Variants in DERA observed in about 807,000 individuals in gnomAD.
DERA encodes 2-deoxy-D-ribose 5-phosphate aldolase.
DERA carries 15 observed loss-of-function variants against 41.1 expected under a neutral mutation model. The ratio of observed to expected loss-of-function variants is 0.37; its 90% confidence interval spans 0.24 to 0.56. DERA has a LOEUF of 0.56. Among genes scored for constraint, DERA ranks in the 20% least tolerant of loss-of-function variants. The pLI is 0.81. For synonymous variants in DERA, 139 were observed against 137.4 expected (o/e 1.01, Z -0.08); for missense variants, 396 against 403.4 (o/e 0.98, Z 0.16).
intron 1 of DERA, among the ~76,000 whole-genome samples, chr12:15,955,404 C>T (rs546707221): frequency 1.3e-5 from 2 of 152,160 alleles, no homozygotes; most frequent in South Asian, 2.1e-4. Context: ...TTCTCGGGCT[C>T]TGCTAGAACA....
chr12:16,025,542 CA>C (rs1454062833), intron 6 of DERA, among the ~76,000 whole-genome samples: 1 of 151,866 alleles, frequency 6.6e-6, no homozygotes, highest in Non-Finnish European at 1.5e-5. Flanking sequence ...CACAGAGCAT[CA>C]AAATATGAGG....
At position 16,029,258 on chromosome 12, in the gene DERA, TA is replaced by T. The variant is rs762788246; in HGVS notation, c.638-3278del. On this transcript the variant is annotated intron_variant, in intron 6 of 8. Transcript: ENST00000428559. ...GACCACGGTGAAACCCGGTCTCTAC[TA>T]AAAAATACAAAAAGTTAGCCGGGCG... Among the ~76,000 whole-genome samples, 9 of 152,096 alleles carry T rather than the reference TA, an allele frequency of 5.9e-5. No homozygotes were observed. In the East Asian group the frequency reaches 1.8e-3, roughly 30 times the overall value.
In DERA at chr12:15,972,771, A is replaced by T. The variant is rs778351825; in HGVS notation, c.509-9537A>T. Among the ~76,000 whole-genome samples, 2 of 152,144 alleles carry T rather than the reference A, an allele frequency of 1.3e-5. No homozygotes were observed. ...TTGCTCACAACTCTCAGGAGAAGGG[A>T]TCTGCGTTCAGGGATCAGTGGGAGT... is the stretch of plus-strand genomic sequence containing the variant. On this transcript the variant is annotated intron_variant, in intron 5 of 8. Coordinates refer to ENST00000428559, the MANE Select transcript of DERA (RefSeq NM_015954.4). The surrounding 1 kb of genome is among the most constrained non-coding windows in gnomAD (Gnocchi z 4.4).
intron 6 of DERA, among the ~76,000 whole-genome samples, chr12:16,023,325 C>T (rs933582291): frequency 6.6e-6 from 1 of 152,104 alleles, no homozygotes; most frequent in Non-Finnish European, 1.5e-5. Context: ...CTACAGCAAA[C>T]CTTAAACACA....
intron 4 of DERA, 63 bp from the exon 5 acceptor site, chr12:15,962,750 C>A (rs905256913): frequency 1.2e-5 from 17 of 1,435,654 alleles, no homozygotes; most frequent in African/African-American, 4.3e-5. Context: ...CCCCTCCCCC[C>A]CTTGCTTACT....
intron 5 of DERA, among the ~76,000 whole-genome samples, chr12:15,977,208 C>A (rs766789091): frequency 6.6e-6 from 1 of 152,140 alleles, no homozygotes; most frequent in African/African-American, 2.4e-5. Context: ...GAGTTGACAT[C>A]CTTCTACGTT....
In DERA at chr12:15,967,065, T is replaced by C. The variant is rs1948628045; in HGVS notation, c.508+4118T>C. On this transcript the variant is annotated intron_variant, in intron 5 of 8. Coordinates refer to ENST00000428559, the MANE Select transcript of DERA (RefSeq NM_015954.4). This position sits in a 1 kb window ranked among gnomAD's most constrained non-coding sequence, Gnocchi z 4.9. ...TATAGCTATTTTGGAAATAAATCTA[T>C]TAGGCCGGGCACAGTGGCTTATGCC... Among the ~76,000 whole-genome samples the C allele has an allele frequency of 6.6e-6, 1 of 151,980 alleles. No individual in the cohort carries two copies.
chr12:15,970,139 A>G lies in DERA; in HGVS notation c.508+7192A>G, dbSNP rs1948650065. Among the ~76,000 whole-genome samples the G allele has an allele frequency of 6.6e-6, 1 of 152,130 alleles. No individual in the cohort carries two copies. The highest frequency in any genetic ancestry group is 2.4e-5 in the African/African-American group (1 of 41,438). ...TTCTTGAACATTTTGTGACTTTTTT[A>G]GTTTAAAAGGTTGCTGTACAATTTT... On this transcript the variant is annotated intron_variant, in intron 5 of 8. Coordinates refer to ENST00000428559, the MANE Select transcript of DERA (RefSeq NM_015954.4). The surrounding 1 kb of genome is among the most constrained non-coding windows in gnomAD (Gnocchi z 4.3).
chr12:15,933,103 T>C (rs1238661375), intron 1 of DERA, among the ~76,000 whole-genome samples: 1 of 152,232 alleles, frequency 6.6e-6, no homozygotes, highest in East Asian at 1.9e-4. Context: ...TTATCTTGGC[T>C]ATGGTGAATA....
rs936011749 is a variant in DERA, at chr12:16,004,395, A to C, written c.637+21959A>C. 6.6e-6 allele frequency among the ~76,000 whole-genome samples: 1 copy of C among 152,126 alleles called. No individual in the cohort carries two copies. The highest frequency in any genetic ancestry group is 2.4e-5 in the African/African-American group (1 of 41,436). On this transcript the variant is annotated intron_variant, in intron 6 of 8. Coordinates refer to ENST00000428559, the MANE Select transcript of DERA (RefSeq NM_015954.4). The surrounding 1 kb of genome is among the most constrained non-coding windows in gnomAD (Gnocchi z 4.2). ...CTCCTCCTTAACAATTTGTTCTCCC[A>C]CCAATCTTTGATTTATAAATCTAGA...
intron 1 of DERA, among the ~76,000 whole-genome samples, chr12:15,949,425 C>A (rs897645512): frequency 5.9e-5 from 9 of 151,666 alleles, no homozygotes; most frequent in African/African-American, 2.2e-4. Context: ...AGCCTCACTG[C>A]CACCTTGTAG....
intron 5 of DERA, among the ~76,000 whole-genome samples, chr12:15,980,554 A>G (rs1396031007): frequency 6.6e-6 from 1 of 151,770 alleles, no homozygotes; most frequent in African/African-American, 2.4e-5. Flanking sequence ...TTTTCGCTCC[A>G]TAGTCTATTA....
chr12:16,036,577 G>T lies in DERA; in HGVS notation c.901-113G>T, dbSNP rs1223441488. The T allele has an allele frequency of 3.0e-6, 3 of 1,016,922 alleles. No homozygotes were observed. In the Admixed American group the frequency reaches 7.7e-5, roughly 26 times the overall value. 63.0% of individuals were successfully genotyped at this position (1,016,922 alleles called of 1,614,324 possible). A position where few individuals can be genotyped will look rare whatever the true frequency, so the allele number is the denominator to read the frequency against. On this transcript the variant is annotated intron_variant, in intron 8 of 8. Coordinates refer to ENST00000428559, the MANE Select transcript of DERA (RefSeq NM_015954.4). The surrounding 1 kb of genome is among the most constrained non-coding windows in gnomAD (Gnocchi z 4.9). ...TTCTGCTGAAGCACATACTAGTGAG[G>T]CTTTCTAATGAAATGTTCATTAAAA...
rs560617803 is a variant in DERA, at chr12:15,947,862, A to G, written c.32-9074A>G. Among the ~76,000 whole-genome samples the G allele has an allele frequency of 3.3e-3, 505 of 152,162 alleles. 3 individuals carry two copies. The highest frequency in any genetic ancestry group is 0.012 in the African/African-American group (479 of 41,504). ...TGGCTGGTACCGGTTGTTCCTTTCCACATTTAGTGCTTCCTTCAGGAGCTC... is the reference window on the plus strand; with the variant it reads ...TGGCTGGTACCGGTTGTTCCTTTCCGCATTTAGTGCTTCCTTCAGGAGCTC... On this transcript the variant is annotated intron_variant, in intron 1 of 8. Coordinates refer to ENST00000428559, the MANE Select transcript of DERA (RefSeq NM_015954.4).
At position 15,959,184 on chromosome 12, in the gene DERA, T is replaced by G. The variant is rs1335584718; in HGVS notation, c.278-645T>G. Among the ~76,000 whole-genome samples, 2 of 152,206 alleles carry G rather than the reference T, an allele frequency of 1.3e-5. No individual in the cohort carries two copies. Among genetic ancestry groups the G allele is most frequent in the African/African-American group, 4.8e-5 (2 of 41,442 alleles). On this transcript the variant is annotated intron_variant, in intron 3 of 8. Coordinates refer to ENST00000428559, the MANE Select transcript of DERA (RefSeq NM_015954.4). This position sits in a 1 kb window ranked among gnomAD's most constrained non-coding sequence, Gnocchi z 4.5. Reference sequence around the variant, plus strand: ...GGCTTTTGAAAAGTATTTATTATGTTTATTTCGTGTTGGCCATAAAAATAT... The same window carrying G: ...GGCTTTTGAAAAGTATTTATTATGTGTATTTCGTGTTGGCCATAAAAATAT...
rs1274438385 is a variant in DERA, at chr12:15,958,233, C to T, written c.175C>T (p.Leu59Phe). 6.3e-7 allele frequency: 1 copy of T among 1,592,248 alleles called. No homozygotes were observed. Among genetic ancestry groups the T allele is most frequent in the Non-Finnish European group, 8.6e-7 (1 of 1,168,168 alleles). ...KAVTFIDLTTLSGDDTSSNIQ... is the reference protein window; with the variant it reads ...KAVTFIDLTTFSGDDTSSNIQ... ...TGTTACCTTTATAGATCTTACTACA[C>T]TTTCAGGTGATGATACATCTTCCAA... The change falls in exon 3 of 9, where the codon CTT becomes TTT. Residue 59 changes from leucine (L) to phenylalanine (F), a missense_variant. Coordinates refer to ENST00000428559, the MANE Select transcript of DERA (RefSeq NM_015954.4).
At position 16,014,596 on chromosome 12, in the gene DERA, G is replaced by A. The variant is rs902947467; in HGVS notation, c.638-17946G>A. On this transcript the variant is annotated intron_variant, in intron 6 of 8. Transcript: ENST00000428559. This position sits in a 1 kb window ranked among gnomAD's most constrained non-coding sequence, Gnocchi z 5.4. ...CCTGGCAGAAGTTTACTGCAGAGGG[G>A]AGCCCTCGTGGAGAACCTCTGCTAG... Among the ~76,000 whole-genome samples, 1 of 152,224 alleles carries A rather than the reference G, an allele frequency of 6.6e-6. No individual in the cohort carries two copies. The highest frequency in any genetic ancestry group is 2.4e-5 in the African/African-American group (1 of 41,456).
chr12:15,997,653 C>T (rs1196748878), intron 6 of DERA, among the ~76,000 whole-genome samples: 2 of 134,532 alleles, frequency 1.5e-5, no homozygotes, highest in African/African-American at 7.9e-5. Flanking sequence ...GAACTTTTTT[C>T]TCTTTTTAAA....
At chr12:15,912,743 T>G (rs1312103071) in intron 1 of DERA, among the ~76,000 whole-genome samples, 2 of 152,208 alleles carry the variant, frequency 1.3e-5, no homozygotes, top group Admixed American at 1.3e-4. Context: ...ATGTAACACA[T>G]ACAGGTAGGT....
Sources: gnomAD v4.1 joint callset for allele counts (sites outside exome capture counted in the v4.1 genomes callset) on GRCh38, gnomAD v4.1.1 for gene constraint, Gnocchi (gnomAD v3.1) non-coding constraint, MANE v1.5 for transcripts, NCBI Gene and HGNC (gene_info 2026-07-23, HGNC 2026-07-21) for gene names.